Variants in PISD observed in about 807,000 individuals in gnomAD.
The protein encoded by PISD is phosphatidylserine decarboxylase proenzyme, mitochondrial.
A neutral mutation model predicts 43.5 loss-of-function variants in PISD; 31 were observed. That is an observed-to-expected ratio of 0.71 (90% CI 0.54 to 0.96). The LOEUF (loss-of-function observed/expected upper bound fraction) is 0.96. Ranked by LOEUF, PISD falls within the 40% of genes least tolerant of loss-of-function variation. The probability of loss-of-function intolerance (pLI) is 0.00; values close to 1 mark genes in which losing one functional copy is unlikely to be tolerated. For synonymous variants in PISD, 259 were observed against 228.7 expected, an observed-to-expected ratio of 1.13 and a Z score of -1.20; for missense variants, 523 against 548.4, an observed-to-expected ratio of 0.95 and a Z score of 0.46.
In PISD at chr22:31,625,839, C is replaced by T. The variant is rs1234859843; in HGVS notation, c.322-3954G>A. 3.1e-6 allele frequency: 5 copies of T among 1,589,406 alleles called. No individual in the cohort carries two copies. The East Asian group carries it at 9.1e-5, about 29-fold the overall frequency. ...ATGGGCCGGCGCAGGGAGGGCGGGG[C>T]GAGGCTCACTCGATCACTCCCTTTG... On this transcript the variant is annotated intron_variant, in intron 3 of 7. Transcript: ENST00000439502.
At chr22:31,654,371 A>C (rs1160261898) in intron 1 of PISD, among the ~76,000 whole-genome samples, 1 of 151,236 alleles carries the variant, frequency 6.6e-6, no homozygotes, top group Non-Finnish European at 1.5e-5. Flanking sequence ...CTACCTATAA[A>C]CTCTCCCCAG....
intron 3 of PISD, chr22:31,638,463 T>C: frequency 1.0e-6 from 1 of 982,984 alleles, no homozygotes; most frequent in Non-Finnish European, 1.2e-6. Flanking sequence ...AGTGGGGAAG[T>C]GGGGAGAACA....
rs576719433 is a variant in PISD, at chr22:31,658,461, A to G, written c.65+3683T>C. 3.3e-5 allele frequency among the ~76,000 whole-genome samples: 5 copies of G among 152,318 alleles called. No homozygotes were observed. The East Asian group carries it at 9.6e-4, about 29-fold the overall frequency. ...TATTAAGAGTTGATATTCAGCTGAC[A>G]TACACTGAGATGGTCATATCAATCA... On this transcript the variant is annotated intron_variant, in intron 1 of 7. Transcript: ENST00000439502.
chr22:31,658,490 A>G (rs1435877468), intron 1 of PISD, among the ~76,000 whole-genome samples: 1 of 152,224 alleles, frequency 6.6e-6, no homozygotes, highest in Non-Finnish European at 1.5e-5. Context: ...TCAATCATCT[A>G]TGACCAGCAT....
chr22:31,619,896 C>G (rs1002944684), intron 7 of PISD, 60 bp from the exon 8 acceptor site: 1 of 1,142,154 alleles, frequency 8.8e-7, no homozygotes, highest in Admixed American at 2.1e-5. Context: ...GTGTCACCCC[C>G]ACATGTGTTT....
rs1310172741 is a variant in PISD at position 31,619,714 on chromosome 22, C to A, written c.1128G>T (p.Leu376=). ...CGAAGATGAGCACGATGGTGGAGCC[C>A]AGGTTGAACTCGCCCAGGTGCTCGC... The part of the protein sequence containing the change: ...RKGEHLGEFN[L]GSTIVLIFEA... The change falls in exon 8 of 8, where the codon CTG becomes CTT. Residue 376 remains leucine, a synonymous_variant. Transcript: ENST00000439502. 2 of 1,614,098 alleles carry A rather than the reference C, an allele frequency of 1.2e-6. No individual in the cohort carries two copies. The highest frequency in any genetic ancestry group is 2.7e-5 in the African/African-American group (2 of 74,934).
chr22:31,629,023 T>C (rs995637166), intron 3 of PISD: 2 of 984,816 alleles, frequency 2.0e-6, no homozygotes, highest in Admixed American at 1.2e-4. Flanking sequence ...GTATAGGGGG[T>C]AGGGGAACAC....
At position 31,621,037 on chromosome 22, in the gene PISD, G is replaced by A; in HGVS notation, c.803C>T (p.Ser268Phe). Reference protein sequence around the residue: ...LAPGDYHCFHSPTDWTVSHRR... With the variant: ...LAPGDYHCFHFPTDWTVSHRR... Reference sequence around the variant, plus strand: ...GTGGGACACAGTCCAGTCGGTGGGGGAGTGGAAGCAGTGGTAGTCCCCAGG... The same window carrying A: ...GTGGGACACAGTCCAGTCGGTGGGGAAGTGGAAGCAGTGGTAGTCCCCAGG... The change falls in exon 6 of 8, where the codon TCC (serine) becomes TTC (phenylalanine). Residue 268 changes from serine (S) to phenylalanine (F), a missense_variant. Transcript: ENST00000439502. 1.2e-6 allele frequency: 2 copies of A among 1,613,950 alleles called. No homozygotes were observed. The highest frequency in any genetic ancestry group is 8.5e-7 in the Non-Finnish European group (1 of 1,179,880).
chr22:31,632,127 C>G (rs1481529915), intron 3 of PISD: 2 of 456,878 alleles, frequency 4.4e-6, no homozygotes, highest in Non-Finnish European at 5.8e-6. Context: ...GGGGGCCACG[C>G]CTGGAATAGG....
At chr22:31,645,516 C>T (rs1452793032) in intron 3 of PISD, among the ~76,000 whole-genome samples, 2 of 150,016 alleles carry the variant, frequency 1.3e-5, no homozygotes, top group Non-Finnish European at 3.0e-5. Flanking sequence ...AGCAGCCTGG[C>T]CAACATGGTG....
chr22:31,658,247 T>C (rs989660010), intron 1 of PISD, among the ~76,000 whole-genome samples: 4 of 152,160 alleles, frequency 2.6e-5, no homozygotes, highest in Non-Finnish European at 4.4e-5. Flanking sequence ...AGCCCACAAT[T>C]GAGCACTCCA....
At chr22:31,631,937 A>G (rs951004597) in intron 3 of PISD, among the ~76,000 whole-genome samples, 3 of 152,192 alleles carry the variant, frequency 2.0e-5, no homozygotes, top group African/African-American at 7.2e-5. Flanking sequence ...TAAGGCATGA[A>G]GGCTCATGCC....
chr22:31,621,191 G>A, intron 5 of PISD, 49 bp from the exon 6 acceptor site: 1 of 1,613,230 alleles, frequency 6.2e-7, no homozygotes, highest in Non-Finnish European at 8.5e-7. Context: ...TGAGCACCCA[G>A]CACGGAGCCC....
intron 3 of PISD, chr22:31,623,646 A>T (rs1252380590): frequency 6.3e-7 from 1 of 1,586,402 alleles, no homozygotes; most frequent in Non-Finnish European, 8.6e-7. Flanking sequence ...GCCTGCCCGG[A>T]AGGGAGGTCC....
At chr22:31,645,881 A>G (rs1015572733) in intron 3 of PISD, among the ~76,000 whole-genome samples, 3 of 151,010 alleles carry the variant, frequency 2.0e-5, no homozygotes, top group South Asian at 2.1e-4. Flanking sequence ...GAAAAGAAAA[A>G]CAAAACAAAT....
chr22:31,625,056 G>C (rs1020520665), intron 3 of PISD, among the ~76,000 whole-genome samples: 4 of 152,192 alleles, frequency 2.6e-5, no homozygotes, highest in African/African-American at 9.7e-5. Context: ...ACTGCATTTA[G>C]CTAATCTACG....
At chr22:31,648,715 C>A (rs1353794643) in intron 2 of PISD, among the ~76,000 whole-genome samples, 1 of 151,408 alleles carries the variant, frequency 6.6e-6, no homozygotes, top group Non-Finnish European at 1.5e-5. Flanking sequence ...GGACCCTCAA[C>A]ATATCTAGCA....
chr22:31,630,787 C>T lies in PISD; in HGVS notation c.322-8902G>A, dbSNP rs537824403. Reference sequence around the variant, plus strand: ...GGGGCTCCCGGCAGGGCCGGGGCGCCGGCTCCGCTCACTCACCCGCAGGTG... The same window carrying T: ...GGGGCTCCCGGCAGGGCCGGGGCGCTGGCTCCGCTCACTCACCCGCAGGTG... On this transcript the variant is annotated intron_variant, in intron 3 of 7. Transcript: ENST00000439502. The surrounding 1 kb of genome is among the most constrained non-coding windows in gnomAD (Gnocchi z 4.4). The T allele has an allele frequency of 6.1e-6, 6 of 985,586 alleles. No homozygotes were observed. Among genetic ancestry groups the T allele is most frequent in the Admixed American group, 6.1e-5 (1 of 16,296 alleles). 61.1% of individuals were successfully genotyped at this position (985,586 alleles called of 1,614,324 possible). A position where few individuals can be genotyped will look rare whatever the true frequency, so the allele number is the denominator to read the frequency against.
chr22:31,627,199 G>A (rs550212296), intron 3 of PISD, among the ~76,000 whole-genome samples: 2 of 152,374 alleles, frequency 1.3e-5, no homozygotes, highest in South Asian at 2.1e-4. Context: ...GATCCAGGCT[G>A]GGGCTGGTCC....
Sources: gnomAD v4.1 joint callset for allele counts (sites outside exome capture counted in the v4.1 genomes callset) on GRCh38, gnomAD v4.1.1 for gene constraint, Gnocchi (gnomAD v3.1) non-coding constraint, MANE v1.5 for transcripts, NCBI Gene and HGNC (gene_info 2026-07-23, HGNC 2026-07-21) for gene names.